Variants in QKI observed in about 807,000 individuals in gnomAD.
QKI encodes the protein KH domain-containing RNA-binding protein QKI.
Under a neutral mutation model 39.0 loss-of-function variants are expected in QKI, and 10 were observed. The observed-to-expected ratio is 0.26, with a 90% CI of 0.16 to 0.43. The LOEUF is 0.43. QKI is among the 20% of genes least tolerant of loss of function. The pLI is 1.00. For synonymous variants in QKI, 204 were observed against 155.4 expected, an observed-to-expected ratio of 1.31 and a Z score of -2.33; for missense variants, 218 against 428.0, an observed-to-expected ratio of 0.51 and a Z score of 4.33.
chr6:163,545,119 G>A (rs1781787471), intron 4 of QKI, among the ~76,000 whole-genome samples: 1 of 152,104 alleles, frequency 6.6e-6, no homozygotes, highest in Admixed American at 6.6e-5. Context: ...ACCTTTGTGT[G>A]CTGTGTGTAA....
intron 4 of QKI, among the ~76,000 whole-genome samples, chr6:163,554,969 A>G (rs577241592): frequency 2.6e-5 from 4 of 152,220 alleles, no homozygotes; most frequent in African/African-American, 4.8e-5. Context: ...TGTTTAAGTC[A>G]ATCAAATTAT....
At chr6:163,561,869 A>C (rs910820505) in intron 4 of QKI, 113 bp from the exon 5 acceptor site, 6 of 703,086 alleles carry the variant, frequency 8.5e-6, no homozygotes, top group African/African-American at 5.4e-5. Flanking sequence ...TCCCCTTATT[A>C]AAACAGGTGA....
In QKI at chr6:163,572,417, G is replaced by A. The variant is rs1227002445; in HGVS notation, c.*1707G>A. ...CTTTATATCATACCAGATAACTGGT[G>A]TAGTGTATCCTTTTACTGTTTCAAT... On this transcript the variant is annotated 3_prime_UTR_variant, in exon 8 of 8. Coordinates refer to ENST00000361752, the MANE Select transcript of QKI (RefSeq NM_006775.3). 1 of 152,112 alleles carries A rather than the reference G, an allele frequency of 6.6e-6. No homozygotes were observed. The highest frequency in any genetic ancestry group is 1.5e-5 in the Non-Finnish European group (1 of 68,010). The allele number at this position is 152,112 out of a possible 1,614,324, so 9.4% of individuals were successfully genotyped here.
intron 3 of QKI, among the ~76,000 whole-genome samples, chr6:163,527,278 G>A (rs1407244032): frequency 6.6e-6 from 1 of 151,786 alleles, no homozygotes; most frequent in African/African-American, 2.4e-5. Flanking sequence ...TTTATGCCCA[G>A]TTTCTCAATG....
At chr6:163,478,954 C>A (rs980600750) in intron 3 of QKI, 58 bp downstream of exon 3, 2 of 1,341,554 alleles carry the variant, frequency 1.5e-6, no homozygotes, top group Non-Finnish European at 1.0e-6. Flanking sequence ...ACTTTTACAT[C>A]GTAATAATAA....
intron 1 of QKI, among the ~76,000 whole-genome samples, chr6:163,434,973 A>G: frequency 6.6e-6 from 1 of 152,176 alleles, no homozygotes; most frequent in East Asian, 1.9e-4. Flanking sequence ...ATAAACCATT[A>G]ACTTTTAAAT....
chr6:163,441,216 A>T (rs1052366652), intron 1 of QKI, among the ~76,000 whole-genome samples: 1 of 152,184 alleles, frequency 6.6e-6, no homozygotes, highest in Non-Finnish European at 1.5e-5. Context: ...AGAATTTAGC[A>T]TTGATGTAAT....
chr6:163,444,721 G>GA (rs1173635756), intron 1 of QKI, among the ~76,000 whole-genome samples: 1 of 152,088 alleles, frequency 6.6e-6, no homozygotes, highest in Non-Finnish European at 1.5e-5. Flanking sequence ...TTGCTTATTT[G>GA]AAGAAAGCAA....
At chr6:163,493,398 G>C (rs1328203537) in intron 3 of QKI, among the ~76,000 whole-genome samples, 1 of 152,132 alleles carries the variant, frequency 6.6e-6, no homozygotes, top group Non-Finnish European at 1.5e-5. Flanking sequence ...CAAAGTGCTG[G>C]AATTACAGGC....
intron 1 of QKI, among the ~76,000 whole-genome samples, chr6:163,449,428 A>G (rs1790386360): frequency 1.3e-5 from 2 of 152,230 alleles, no homozygotes; most frequent in African/African-American, 4.8e-5. Flanking sequence ...ATTCAAATGT[A>G]CAAAGAAACA....
intron 4 of QKI, among the ~76,000 whole-genome samples, chr6:163,539,947 A>G (rs1052623488): frequency 1.8e-4 from 27 of 151,612 alleles, no homozygotes; most frequent in African/African-American, 5.8e-4. Flanking sequence ...TCTTATAACT[A>G]TTTGTTATTT....
At chr6:163,502,676 C>G (rs1236752740) in intron 3 of QKI, among the ~76,000 whole-genome samples, 1 of 152,160 alleles carries the variant, frequency 6.6e-6, no homozygotes, top group Non-Finnish European at 1.5e-5. Flanking sequence ...TATACATGAA[C>G]TCACTAATTT....
chr6:163,522,000 AT>A (rs61571720), intron 3 of QKI, among the ~76,000 whole-genome samples: 3,077 of 152,278 alleles, frequency 0.02, 105 homozygotes, highest in African/African-American at 0.07. Context: ...CTGAAAAGCC[AT>A]TTTTTAAGGA....
chr6:163,431,011 T>G (rs999098789), intron 1 of QKI, among the ~76,000 whole-genome samples: 3 of 152,108 alleles, frequency 2.0e-5, no homozygotes, highest in African/African-American at 7.2e-5. Context: ...GGAAATACGG[T>G]TTTTCTTTCT....
At chr6:163,565,302 C>T in intron 6 of QKI, 5 of 986,456 alleles carry the variant, frequency 5.1e-6, no homozygotes, top group Non-Finnish European at 3.6e-6. Flanking sequence ...GCACCCACAG[C>T]ATCTGTTCCC....
intron 5 of QKI, among the ~76,000 whole-genome samples, chr6:163,562,566 A>G (rs1441119587): frequency 6.6e-6 from 1 of 152,184 alleles, no homozygotes; most frequent in Non-Finnish European, 1.5e-5. Flanking sequence ...TCAGTGGGTG[A>G]TAACTCTTTT....
At chr6:163,493,664 G>C (rs1778210655) in intron 3 of QKI, among the ~76,000 whole-genome samples, 1 of 152,122 alleles carries the variant, frequency 6.6e-6, no homozygotes, top group Non-Finnish European at 1.5e-5. Context: ...AGGAGTTCGA[G>C]ACCACCTTGG....
rs114052821 is a variant in QKI at position 163,554,288 on chromosome 6, T to C, written c.547-7694T>C. On this transcript the variant is annotated intron_variant, in intron 4 of 7. Transcript: ENST00000361752. ...CGCACATGGGAAAGAGAACATCTCT[T>C]TCCCTCATCCAGCTCTTCAGGGTCG... is the stretch of plus-strand genomic sequence containing the variant. Among the ~76,000 whole-genome samples, 787 of 152,234 alleles carry C rather than the reference T, an allele frequency of 5.2e-3. 11 individuals are homozygous for C. Among genetic ancestry groups the C allele is most frequent in the African/African-American group, 0.018 (752 of 41,544 alleles).
chr6:163,444,707 A>G (rs1006222161), intron 1 of QKI, among the ~76,000 whole-genome samples: 6 of 152,180 alleles, frequency 3.9e-5, no homozygotes, highest in African/African-American at 7.2e-5. Flanking sequence ...ATGATTAGTA[A>G]TGATTGCTTA....
Sources: allele counts gnomAD v4.1 joint callset (sites outside exome capture counted in the v4.1 genomes callset), GRCh38; gene constraint gnomAD v4.1.1; transcripts MANE v1.5; gene names NCBI Gene and HGNC (gene_info 2026-07-23, HGNC 2026-07-21).